The following SDHB variants were observed in gnomAD, a reference collection of about 807,000 sequenced individuals.
SDHB encodes succinate dehydrogenase complex iron sulfur subunit B.
A neutral mutation model predicts 39.7 loss-of-function variants in SDHB; 21 were observed. The observed-to-expected ratio is 0.53, with a 90% CI of 0.37 to 0.76. The LOEUF is 0.76. Among genes scored for constraint, SDHB ranks in the 30% least tolerant of loss-of-function variants. The pLI, the probability that SDHB is intolerant of heterozygous loss-of-function variation, is 0.00. For missense variants in SDHB, 343 were observed against 350.9 expected (o/e 0.98, Z 0.18); for synonymous variants, 118 against 117.0 (o/e 1.01, Z -0.06).
rs35298846 is a variant in SDHB, at chr1:17,046,354, A to ATT, written c.73-1468_73-1467dup. On this transcript the variant is annotated intron_variant, in intron 1 of 7. Transcript: ENST00000375499. ...GTGGACTTTGCTTGCTTAATGTCCC[A>ATT]TTTTTTTTTTGGTCTTTTTTCTGTG... 5.1e-3 allele frequency among the ~76,000 whole-genome samples: 766 copies of ATT among 150,048 alleles called. 7 individuals carry two copies. The highest frequency in any genetic ancestry group is 7.3e-3 in the Non-Finnish European group (491 of 67,412).
chr1:17,032,957 GAGAGCTGC>G (rs1219928180), intron 3 of SDHB, 95 bp downstream of exon 3: 2 of 853,036 alleles, frequency 2.3e-6, no homozygotes, highest in Non-Finnish European at 4.0e-6. Flanking sequence ...TCACCCAGCA[GAGAGCTGC>G]AGCTGTTTTC....
intron 2 of SDHB, among the ~76,000 whole-genome samples, chr1:17,038,631 T>C: frequency 6.6e-6 from 1 of 152,218 alleles, no homozygotes; most frequent in Non-Finnish European, 1.5e-5. Context: ...CAACCTTCCT[T>C]ATTCCTGATC....
intron 4 of SDHB, among the ~76,000 whole-genome samples, chr1:17,028,106 C>T (rs2078001463): frequency 6.6e-6 from 1 of 152,206 alleles, no homozygotes; most frequent in Non-Finnish European, 1.5e-5. Context: ...GCCAATCCCA[C>T]AGTCCTTTCT....
intron 1 of SDHB, among the ~76,000 whole-genome samples, chr1:17,047,999 C>T (rs992004045): frequency 2.0e-5 from 3 of 152,146 alleles, no homozygotes; most frequent in African/African-American, 7.2e-5. Context: ...TTTACCCAGT[C>T]TCCCCAACAG....
At chr1:17,025,657 C>G (rs1267337072) in intron 5 of SDHB, among the ~76,000 whole-genome samples, 1 of 152,114 alleles carries the variant, frequency 6.6e-6, no homozygotes, top group Non-Finnish European at 1.5e-5. Flanking sequence ...ATGATGGAGC[C>G]TCTCTGAACC....
chr1:17,038,990 T>C (rs931993659), intron 2 of SDHB, among the ~76,000 whole-genome samples: 2 of 152,148 alleles, frequency 1.3e-5, no homozygotes, highest in African/African-American at 4.8e-5. Flanking sequence ...TTTCTTTATT[T>C]TTTCTTGCGC....
At chr1:17,022,576 A>G (rs1354184889) in intron 7 of SDHB, 32 bp downstream of exon 7, 3 of 1,611,966 alleles carry the variant, frequency 1.9e-6, no homozygotes, top group Admixed American at 1.7e-5. Flanking sequence ...GTCAGCTCTG[A>G]GGCAGAGCTG....
intron 5 of SDHB, among the ~76,000 whole-genome samples, chr1:17,026,076 A>AG (rs1386620375): frequency 6.6e-6 from 1 of 152,242 alleles, no homozygotes. Flanking sequence ...AAACATGCTC[A>AG]GGGGAACTCT....
At chr1:17,047,681 TAA>T (rs375234539) in intron 1 of SDHB, among the ~76,000 whole-genome samples, 17 of 132,956 alleles carry the variant, frequency 1.3e-4, no homozygotes, top group Admixed American at 2.3e-4. Flanking sequence ...AAACTCAAGC[TAA>T]AAAAAAAAAA....
chr1:17,043,560 CAG>C (rs1343662799), intron 2 of SDHB, among the ~76,000 whole-genome samples: 4 of 152,138 alleles, frequency 2.6e-5, no homozygotes, highest in Non-Finnish European at 5.9e-5. Flanking sequence ...TAAAACAGAT[CAG>C]AGAACAGTTC....
intron 3 of SDHB, among the ~76,000 whole-genome samples, chr1:17,030,151 T>G (rs1377433569): frequency 6.6e-6 from 1 of 152,124 alleles, no homozygotes; most frequent in Non-Finnish European, 1.5e-5. Flanking sequence ...ATCGCGCCAC[T>G]GCACTCCAGC....
intron 2 of SDHB, among the ~76,000 whole-genome samples, chr1:17,041,220 C>T (rs1411833003): frequency 6.6e-6 from 1 of 152,196 alleles, no homozygotes; most frequent in Non-Finnish European, 1.5e-5. Context: ...CATTTCCAAT[C>T]TGCTGTTAAG....
intron 1 of SDHB, among the ~76,000 whole-genome samples, chr1:17,047,347 C>T (rs978827846): frequency 4.6e-5 from 7 of 151,640 alleles, no homozygotes; most frequent in South Asian, 2.1e-4. Flanking sequence ...CAGAGTGAGA[C>T]GCTGTTTCAA....
intron 7 of SDHB, 62 bp from the exon 8 acceptor site, chr1:17,019,020 A>C: frequency 1.5e-6 from 2 of 1,293,336 alleles, no homozygotes; most frequent in Non-Finnish European, 2.2e-6. Context: ...GAAAACCCAC[A>C]ATCTTGGGTG....
intron 1 of SDHB, among the ~76,000 whole-genome samples, chr1:17,053,477 G>A (rs1257982010): frequency 6.6e-6 from 1 of 151,960 alleles, no homozygotes; most frequent in East Asian, 1.9e-4. Context: ...CAATTCACAT[G>A]TCCTTTCCTC....
chr1:17,029,268 G>GCTAATTT (rs2078010050), intron 3 of SDHB, among the ~76,000 whole-genome samples: 1 of 151,534 alleles, frequency 6.6e-6, no homozygotes, highest in Non-Finnish European at 1.5e-5. Flanking sequence ...ACCACACCCA[G>GCTAATTT]CTAATTTTCT....
At chr1:17,025,247 A>G (rs1428181269) in intron 5 of SDHB, among the ~76,000 whole-genome samples, 1 of 152,246 alleles carries the variant, frequency 6.6e-6, no homozygotes, top group Non-Finnish European at 1.5e-5. Flanking sequence ...CAATTTTAAG[A>G]ATATGAAGAA....
chr1:17,052,648 G>C (rs1161245171), intron 1 of SDHB, among the ~76,000 whole-genome samples: 1 of 152,212 alleles, frequency 6.6e-6, no homozygotes, highest in Non-Finnish European at 1.5e-5. Flanking sequence ...ATGTCAGCTT[G>C]AGGCTCTGGT....
At chr1:17,040,250 T>C (rs1165437959) in intron 2 of SDHB, among the ~76,000 whole-genome samples, 1 of 152,176 alleles carries the variant, frequency 6.6e-6, no homozygotes, top group Non-Finnish European at 1.5e-5. Context: ...TCTCCTATTT[T>C]TGGTCGTCAG....
Sources: allele counts gnomAD v4.1 joint callset (sites outside exome capture counted in the v4.1 genomes callset), GRCh38; gene constraint gnomAD v4.1.1; transcripts MANE v1.5; gene names NCBI Gene and HGNC (gene_info 2026-07-23, HGNC 2026-07-21).